The following PTPRD variants were observed in gnomAD, a reference collection of about 807,000 sequenced individuals.
The protein encoded by PTPRD is protein tyrosine phosphatase receptor type D, also known as receptor-type tyrosine-protein phosphatase delta.
Under a neutral mutation model 214.5 loss-of-function variants are expected in PTPRD, and 34 were observed. The ratio of observed to expected loss-of-function variants is 0.16; its 90% CI spans 0.12 to 0.21. PTPRD has a LOEUF of 0.21. PTPRD is among the 10% of genes least tolerant of loss of function. The probability of loss-of-function intolerance (pLI) is 1.00; values close to 1 mark genes in which losing one functional copy is unlikely to be tolerated. For missense variants in PTPRD, 2,545 were observed against 2,398.7 expected, an observed-to-expected ratio of 1.06 and a Z score of -1.27; for synonymous variants, 1,128 against 845.7, an observed-to-expected ratio of 1.33 and a Z score of -5.79.
chr9:8,429,676 C>T (rs2094917768), intron 35 of PTPRD, among the ~76,000 whole-genome samples: 1 of 152,030 alleles, frequency 6.6e-6, no homozygotes, highest in Admixed American at 6.5e-5. Context: ...GCCATGAGAA[C>T]AGGAAGAAAC....
chr9:9,469,429 C>T (rs1237345942), intron 8 of PTPRD, among the ~76,000 whole-genome samples: 5 of 151,984 alleles, frequency 3.3e-5, no homozygotes, highest in East Asian at 1.9e-4. Context: ...CTCACATGAC[C>T]GATGTACTTG....
chr9:9,976,321 A>G (rs924881383), intron 4 of PTPRD, among the ~76,000 whole-genome samples: 6 of 152,120 alleles, frequency 3.9e-5, no homozygotes, highest in African/African-American at 1.4e-4. Context: ...ACAAAAAACA[A>G]AAACAAAAAA....
intron 4 of PTPRD, among the ~76,000 whole-genome samples, chr9:9,992,113 A>T (rs1365902442): frequency 1.3e-5 from 2 of 152,178 alleles, no homozygotes; most frequent in African/African-American, 2.4e-5. Context: ...AATGGACGAG[A>T]CTGCTAATGG....
intron 7 of PTPRD, among the ~76,000 whole-genome samples, chr9:9,645,182 C>G (rs2096112374): frequency 1.3e-5 from 2 of 152,226 alleles, no homozygotes; most frequent in African/African-American, 2.4e-5. Flanking sequence ...AGGGCTTGAG[C>G]CACATCCCCA....
At chr9:9,940,304 C>T (rs1327769059) in intron 4 of PTPRD, among the ~76,000 whole-genome samples, 1 of 152,070 alleles carries the variant, frequency 6.6e-6, no homozygotes, top group Non-Finnish European at 1.5e-5. Context: ...TCTCCCTTAC[C>T]TCTGGTTTCT....
intron 9 of PTPRD, among the ~76,000 whole-genome samples, chr9:9,350,053 G>A (rs1293160860): frequency 2.0e-5 from 3 of 151,998 alleles, no homozygotes; most frequent in Middle Eastern, 3.2e-3. Flanking sequence ...GAAGAGGTAG[G>A]AACGGAAAGG....
chr9:10,311,898 G>C (rs748575271), intron 3 of PTPRD, among the ~76,000 whole-genome samples: 12 of 151,946 alleles, frequency 7.9e-5, no homozygotes, highest in Admixed American at 5.3e-4. Context: ...ACTGCCCATT[G>C]GGAGAGATGT....
At chr9:10,069,390 G>A (rs1287083574) in intron 3 of PTPRD, among the ~76,000 whole-genome samples, 1 of 152,028 alleles carries the variant, frequency 6.6e-6, no homozygotes, top group Non-Finnish European at 1.5e-5. Context: ...TTAGCCCCTT[G>A]CTGGTTTGTA....
chr9:9,070,659 A>C (rs1410202388), intron 10 of PTPRD, among the ~76,000 whole-genome samples: 1 of 152,242 alleles, frequency 6.6e-6, no homozygotes, highest in East Asian at 1.9e-4. Context: ...GTATTCAGCC[A>C]TAAGAACACA....
intron 2 of PTPRD, among the ~76,000 whole-genome samples, chr9:10,497,290 C>A (rs983691962): frequency 6.6e-6 from 1 of 151,908 alleles, no homozygotes; most frequent in African/African-American, 2.4e-5. Flanking sequence ...ATCCCTGTAT[C>A]TAAAATTAAA....
In PTPRD at chr9:8,518,445, A is replaced by G. The variant is rs2138603604; in HGVS notation, c.962-16T>C. 6.5e-7 allele frequency: 1 copy of G among 1,533,246 alleles called. No individual in the cohort carries two copies. Among genetic ancestry groups the G allele is most frequent in the Non-Finnish European group, 8.8e-7 (1 of 1,133,382 alleles). 95.0% of individuals were successfully genotyped at this position (1,533,246 alleles called of 1,614,324 possible). A position where few individuals can be genotyped will look rare whatever the true frequency, so the allele number is the denominator to read the frequency against. ...TTGGGTAAGGCTTGGATGGGGGAAG[A>G]TAAAAGACAATGACTACCCATCATC... On this transcript the variant is annotated splice_polypyrimidine_tract_variant and intron_variant, in intron 20 of 45. Transcript: ENST00000381196.
At chr9:8,731,930 T>A (rs768880403) in intron 12 of PTPRD, among the ~76,000 whole-genome samples, 4 of 151,674 alleles carry the variant, frequency 2.6e-5, no homozygotes, top group Non-Finnish European at 5.9e-5. Context: ...ATGGGAGGAG[T>A]GAGAGGGAGT....
At chr9:10,004,636 C>CA (rs2154097877) in intron 4 of PTPRD, among the ~76,000 whole-genome samples, 1 of 152,002 alleles carries the variant, frequency 6.6e-6, no homozygotes, top group African/African-American at 2.4e-5. Flanking sequence ...CACACACACA[C>CA]ACCGCACACA....
At chr9:8,845,798 C>T (rs144742277) in intron 11 of PTPRD, among the ~76,000 whole-genome samples, 104 of 152,328 alleles carry the variant, frequency 6.8e-4, no homozygotes, top group African/African-American at 2.2e-3. Flanking sequence ...GCAGTTCCTA[C>T]GGCTCTTGCT....
At chr9:8,460,303 T>G (rs1361936375) in intron 33 of PTPRD, 108 bp downstream of exon 33, 3 of 1,273,770 alleles carry the variant, frequency 2.4e-6, no homozygotes, top group Middle Eastern at 3.7e-4. Flanking sequence ...GAAATGGCAC[T>G]GAAGTATTTC....
intron 12 of PTPRD, among the ~76,000 whole-genome samples, chr9:8,679,560 G>C (rs2097509401): frequency 6.6e-6 from 1 of 152,180 alleles, no homozygotes; most frequent in Non-Finnish European, 1.5e-5. Flanking sequence ...AGGCAATGTT[G>C]CTTTCAAATT....
intron 3 of PTPRD, among the ~76,000 whole-genome samples, chr9:10,230,428 G>GTATCTGTGTATCTATC (rs2099604874): frequency 7.8e-6 from 1 of 128,264 alleles, no homozygotes; most frequent in African/African-American, 2.9e-5. Context: ...ATGTATCTAT[G>GTATCTGTGTATCTATC]TATCTATGTA....
At chr9:9,506,903 T>A (rs1382556022) in intron 8 of PTPRD, among the ~76,000 whole-genome samples, 1 of 151,394 alleles carries the variant, frequency 6.6e-6, no homozygotes, top group Non-Finnish European at 1.5e-5. Flanking sequence ...AAAGCAATAA[T>A]GATTATGTTT....
At chr9:8,916,122 C>T (rs985265312) in intron 11 of PTPRD, among the ~76,000 whole-genome samples, 2 of 151,976 alleles carry the variant, frequency 1.3e-5, no homozygotes, top group Non-Finnish European at 2.9e-5. Flanking sequence ...GACTCAGTGA[C>T]ATCTAAGTGG....
Sources: allele counts gnomAD v4.1 joint callset (sites outside exome capture counted in the v4.1 genomes callset), GRCh38; gene constraint gnomAD v4.1.1; transcripts MANE v1.5; gene names NCBI Gene and HGNC (gene_info 2026-07-23, HGNC 2026-07-21).